Variants in NFAT5 observed in about 807,000 individuals in gnomAD.
NFAT5 encodes nuclear factor of activated T-cells 5.
In NFAT5, 31 loss-of-function variants were observed where a neutral mutation model predicts 166.5. The observed-to-expected ratio is 0.19, with a 90% CI of 0.14 to 0.25. NFAT5 has a LOEUF of 0.25. NFAT5 is among the 10% of genes least tolerant of loss of function. The probability of loss-of-function intolerance (pLI) is 1.00; values close to 1 mark genes in which losing one functional copy is unlikely to be tolerated. For synonymous variants in NFAT5, 612 were observed against 639.7 expected (o/e 0.96, Z 0.65); for missense variants, 1,449 against 1,821.8 (o/e 0.80, Z 3.72).
In NFAT5 at chr16:69,566,997, C is replaced by G. The variant is rs1194625096; in HGVS notation, c.73+623C>G. On this transcript the variant is annotated intron_variant, in intron 1 of 14. Coordinates refer to ENST00000349945, the MANE Select transcript of NFAT5 (RefSeq NM_138713.4). The surrounding 1 kb of genome is among the most constrained non-coding windows in gnomAD (Gnocchi z 5.7). ...CGTCATCTTCTTGCTGGAAAGGGCC[C>G]GATGGAAAGGGCCCGAATTTTCTTT... 6.6e-6 allele frequency among the ~76,000 whole-genome samples: 1 copy of G among 152,084 alleles called. No individual in the cohort carries two copies. The highest frequency in any genetic ancestry group is 1.9e-4 in the East Asian group (1 of 5,176).
Position 69,587,657 on chromosome 16 carries a change from G to A in NFAT5, c.127+19109G>A, listed in dbSNP as rs562410773. Among the ~76,000 whole-genome samples, 211 of 152,110 alleles carry A rather than the reference G, an allele frequency of 1.4e-3. 1 individual carries two copies. Among genetic ancestry groups the A allele is most frequent in the Non-Finnish European group, 2.5e-3 (170 of 67,990 alleles). On this transcript the variant is annotated intron_variant, in intron 2 of 14. Transcript: ENST00000349945. ...GCCCACCTCCGGCTCCTAAAGTGTTGGGATTATAGGCATGAGCCACTGTGC... is the reference window on the plus strand; with the variant it reads ...GCCCACCTCCGGCTCCTAAAGTGTTAGGATTATAGGCATGAGCCACTGTGC...
At chr16:69,659,993 G>A in intron 7 of NFAT5, 94 bp downstream of exon 7, 1 of 1,114,992 alleles carries the variant, frequency 9.0e-7, no homozygotes, top group Middle Eastern at 2.1e-4. Context: ...TATTTCATAT[G>A]CTCCGGCTTG....
chr16:69,641,747 A>C (rs954878860), intron 3 of NFAT5, among the ~76,000 whole-genome samples: 2 of 152,222 alleles, frequency 1.3e-5, no homozygotes, highest in African/African-American at 2.4e-5. Context: ...TTTAAAATAC[A>C]GTTTAAGCAA....
chr16:69,640,259 C>T (rs1001265401), intron 3 of NFAT5, among the ~76,000 whole-genome samples: 7 of 152,282 alleles, frequency 4.6e-5, no homozygotes, highest in South Asian at 4.1e-4. Context: ...GGGTATAGGT[C>T]GGTCTCGTTT....
intron 3 of NFAT5, among the ~76,000 whole-genome samples, chr16:69,640,885 G>A (rs1350747930): frequency 1.3e-5 from 2 of 151,974 alleles, no homozygotes; most frequent in East Asian, 3.9e-4. Context: ...GGTGGCTGAG[G>A]CAGAAGAATC....
chr16:69,614,311 C>T (rs188743404), intron 2 of NFAT5, among the ~76,000 whole-genome samples: 10 of 152,254 alleles, frequency 6.6e-5, no homozygotes, highest in Admixed American at 2.0e-4. Flanking sequence ...CGAGCCACCA[C>T]GCTCGGCCCT....
intron 2 of NFAT5, among the ~76,000 whole-genome samples, chr16:69,579,979 C>T (rs1431544829): frequency 1.3e-5 from 2 of 152,068 alleles, no homozygotes; most frequent in African/African-American, 2.4e-5. Flanking sequence ...TATATGAGTG[C>T]TTCTTAAATA....
Position 69,566,285 on chromosome 16 carries a change from G to T in NFAT5, c.-17G>T. ...CCCCCCTCCCGCTGCCCTCGGGCCG[G>T]GCTGGGTCGAGCTGCGATGCCCTCG... On this transcript the variant is annotated 5_prime_UTR_variant, in exon 1 of 15. Coordinates refer to ENST00000349945, the MANE Select transcript of NFAT5 (RefSeq NM_138713.4). The surrounding 1 kb of genome is among the most constrained non-coding windows in gnomAD (Gnocchi z 5.7). 1.3e-6 allele frequency: 2 copies of T among 1,598,170 alleles called. No homozygotes were observed. The highest frequency in any genetic ancestry group is 8.5e-7 in the Non-Finnish European group (1 of 1,174,446).
At chr16:69,668,047 A>G (rs2036473486) in intron 7 of NFAT5, among the ~76,000 whole-genome samples, 1 of 151,890 alleles carries the variant, frequency 6.6e-6, no homozygotes, top group East Asian at 1.9e-4. Flanking sequence ...GGTCACTGCA[A>G]CCTCTGCCTC....
chr16:69,630,490 A>G (rs1293567600), intron 3 of NFAT5, among the ~76,000 whole-genome samples: 3 of 152,146 alleles, frequency 2.0e-5, no homozygotes, highest in African/African-American at 7.2e-5. Flanking sequence ...ATTTTTAAGA[A>G]TTCTGTTTTT....
intron 2 of NFAT5, among the ~76,000 whole-genome samples, chr16:69,610,836 T>C (rs190669376): frequency 5.5e-4 from 84 of 152,298 alleles, no homozygotes; most frequent in Admixed American, 2.5e-3. Flanking sequence ...TGCATGGCCC[T>C]CTATATATTT....
At chr16:69,615,898 C>T (rs2033921191) in intron 2 of NFAT5, among the ~76,000 whole-genome samples, 1 of 152,116 alleles carries the variant, frequency 6.6e-6, no homozygotes, top group African/African-American at 2.4e-5. Flanking sequence ...GCTCTTGACA[C>T]CTGGGGCTGT....
intron 3 of NFAT5, among the ~76,000 whole-genome samples, chr16:69,635,655 G>GCTGGT (rs2034932848): frequency 6.6e-6 from 1 of 152,112 alleles, no homozygotes; most frequent in African/African-American, 2.4e-5. Context: ...CTTCTTACAT[G>GCTGGT]GCAGCAGCAA....
At position 69,655,667 on chromosome 16, in the gene NFAT5, G is replaced by A. The variant is rs777333162; in HGVS notation, c.1064G>A (p.Arg355Gln). The change falls in exon 6 of 15, where the codon CGA becomes CAA. Residue 355 changes from arginine (R) to glutamine (Q), a missense_variant. Physicochemically the swap from Arg to Gln is conservative, Grantham distance 43. Coordinates refer to ENST00000349945, the MANE Select transcript of NFAT5 (RefSeq NM_138713.4). Reference sequence around the variant, plus strand: ...GTGTTTGTGGGCAACGACTCTGGACGAGTGAAACCACATGGATTTTATCAG... The same window carrying A: ...GTGTTTGTGGGCAACGACTCTGGACAAGTGAAACCACATGGATTTTATCAG... ...LQVFVGNDSG[R>Q]VKPHGFYQAC... is the part of the protein sequence containing the mutation. The A allele has an allele frequency of 1.9e-6, 3 of 1,613,286 alleles. No homozygotes were observed. The highest frequency in any genetic ancestry group is 2.5e-6 in the Non-Finnish European group (3 of 1,179,602).
intron 2 of NFAT5, among the ~76,000 whole-genome samples, chr16:69,588,980 CTTT>C (rs945918292): frequency 9.4e-3 from 324 of 34,298 alleles, no homozygotes; most frequent in Middle Eastern, 0.029. Context: ...TTTCCTACTT[CTTT>C]TTTTTTTTTT....
chr16:69,574,521 C>T (rs577380345), intron 2 of NFAT5, among the ~76,000 whole-genome samples: 65 of 152,150 alleles, frequency 4.3e-4, no homozygotes, highest in African/African-American at 1.5e-3. Context: ...GAGTTAACTA[C>T]AGATAATGGA....
chr16:69,653,230 T>C lies in NFAT5; in HGVS notation c.813-6T>C. 6.4e-7 allele frequency: 1 copy of C among 1,555,968 alleles called. No homozygotes were observed. Among genetic ancestry groups the C allele is most frequent in the Non-Finnish European group, 8.6e-7 (1 of 1,159,936 alleles). On this transcript the variant is annotated splice_polypyrimidine_tract_variant and splice_region_variant and intron_variant, in intron 4 of 14. Transcript: ENST00000349945. ...ACTTTCTCCATGTTGTGCTTTGATT[T>C]CTCAGAACATTGGAAAACCAAAAAG...
At chr16:69,645,226 A>C (rs1270682163) in intron 3 of NFAT5, among the ~76,000 whole-genome samples, 1 of 152,226 alleles carries the variant, frequency 6.6e-6, no homozygotes, top group Non-Finnish European at 1.5e-5. Flanking sequence ...TTTATTTACT[A>C]AGAAAACATT....
chr16:69,660,839 T>A (rs561613104), intron 7 of NFAT5, among the ~76,000 whole-genome samples: 151 of 151,978 alleles, frequency 9.9e-4, no homozygotes, highest in African/African-American at 3.4e-3. Context: ...AGATGGAGTT[T>A]CGCTTGTTGC....
Sources: allele counts gnomAD v4.1 joint callset (sites outside exome capture counted in the v4.1 genomes callset), GRCh38; gene constraint gnomAD v4.1.1; non-coding constraint Gnocchi (gnomAD v3.1); transcripts MANE v1.5; gene names NCBI Gene and HGNC (gene_info 2026-07-23, HGNC 2026-07-21).